Variants in SETX observed in about 807,000 individuals in gnomAD.
SETX encodes the protein senataxin.
Under a neutral mutation model 227.2 loss-of-function variants are expected in SETX, and 90 were observed. The ratio of observed to expected loss-of-function variants is 0.40; its 90% CI spans 0.33 to 0.47. The LOEUF is 0.47. Ranked by LOEUF, SETX falls within the 20% of genes least tolerant of loss-of-function variation. The probability of loss-of-function intolerance (pLI) is 0.91; values close to 1 mark genes in which losing one functional copy is unlikely to be tolerated. For synonymous variants in SETX, 1,210 were observed against 1,113.2 expected (o/e 1.09, Z -1.73); for missense variants, 3,052 against 3,181.5 (o/e 0.96, Z 0.98).
At chr9:132,347,029 C>T (rs1349275225) in intron 3 of SETX, among the ~76,000 whole-genome samples, 1 of 151,876 alleles carries the variant, frequency 6.6e-6, no homozygotes, top group Non-Finnish European at 1.5e-5. Flanking sequence ...CTGAGGTGGG[C>T]GGATCACCTG....
intron 15 of SETX, among the ~76,000 whole-genome samples, chr9:132,292,696 C>T (rs1278386839): frequency 1.4e-5 from 2 of 145,914 alleles, no homozygotes; most frequent in Admixed American, 7.0e-5. Flanking sequence ...GTGGCGCGAT[C>T]TCAGCTCACT....
intron 2 of SETX, among the ~76,000 whole-genome samples, chr9:132,351,950 G>C (rs1039798239): frequency 9.2e-5 from 14 of 152,130 alleles, no homozygotes; most frequent in Non-Finnish European, 1.6e-4. Flanking sequence ...CAAAAATATA[G>C]GATGCTTCAC....
At chr9:132,304,979 A>C (rs938181992) in intron 11 of SETX, among the ~76,000 whole-genome samples, 1 of 151,972 alleles carries the variant, frequency 6.6e-6, no homozygotes, top group Non-Finnish European at 1.5e-5. Flanking sequence ...TGGGTAACAG[A>C]GTGAGACTCC....
intron 11 of SETX, among the ~76,000 whole-genome samples, chr9:132,301,128 T>C (rs1406593020): frequency 1.3e-5 from 2 of 149,284 alleles, no homozygotes; most frequent in Non-Finnish European, 3.0e-5. Context: ...AGTCTCGCTG[T>C]GTTGCCCAGG....
At chr9:132,344,417 T>G (rs1173130607) in intron 4 of SETX, among the ~76,000 whole-genome samples, 2 of 152,122 alleles carry the variant, frequency 1.3e-5, no homozygotes, top group East Asian at 3.8e-4. Context: ...GGGAGGGTGT[T>G]GCTACACTGC....
intron 6 of SETX, among the ~76,000 whole-genome samples, chr9:132,335,140 C>T (rs952954839): frequency 2.0e-5 from 3 of 151,950 alleles, no homozygotes; most frequent in South Asian, 2.1e-4. Flanking sequence ...CCTGTAATCC[C>T]AGCACTTTGG....
At chr9:132,314,008 T>C (rs372610171) in intron 10 of SETX, among the ~76,000 whole-genome samples, 1 of 152,056 alleles carries the variant, frequency 6.6e-6, no homozygotes, top group East Asian at 1.9e-4. Context: ...TTCCGCTCAC[T>C]GCAACCTCCG....
At position 132,329,754 on chromosome 9, in the gene SETX, G is replaced by C; in HGVS notation, c.1844C>G (p.Ser615Cys). 6.2e-7 allele frequency: 1 copy of C among 1,614,074 alleles called. No homozygotes were observed. The highest frequency in any genetic ancestry group is 8.5e-7 in the Non-Finnish European group (1 of 1,180,000). ...TTCTTCTTTATTATAAGATGCAGGAGAGATTTTACATGCAGAAGTCAGATC... is the reference window on the plus strand; with the variant it reads ...TTCTTCTTTATTATAAGATGCAGGACAGATTTTACATGCAGAAGTCAGATC... ...FVDLTSACKI[S>C]PASYNKEESE... Residue 615 changes from serine to cysteine, a missense_variant, in exon 10 of 26, where the codon TCT (serine) becomes TGT (cysteine). This residue lies in a region of SETX where 1,483 missense variants were observed against 1,312.0 expected (regional missense o/e 1.13). Transcript: ENST00000224140.
At position 132,295,955 on chromosome 9, in the gene SETX, G is replaced by C; in HGVS notation, c.6023C>G (p.Pro2008Arg). 1 of 1,614,128 alleles carries C rather than the reference G, an allele frequency of 6.2e-7. No homozygotes were observed. Residue 2008 changes from proline to arginine, a missense_variant, in exon 15 of 26, where the codon CCT (proline) becomes CGT (arginine). This residue lies in a region of SETX where 412 missense variants were observed against 589.0 expected (regional missense o/e 0.70). Coordinates refer to ENST00000224140, the MANE Select transcript of SETX (RefSeq NM_015046.7). Reference sequence around the variant, plus strand: ...GAGTTCATCAACAGCTGCATTGGAAGGTGCACACACGAGGACACGGTTTTG... The same window carrying C: ...GAGTTCATCAACAGCTGCATTGGAACGTGCACACACGAGGACACGGTTTTG... The part of the protein sequence containing the change: ...IKQNRVLVCA[P>R]SNAAVDELMK...
rs1315385196 is a variant in SETX at position 132,264,378 on chromosome 9, C to A, written c.7895G>T (p.Arg2632Met). The A allele has an allele frequency of 4.3e-6, 7 of 1,614,220 alleles. No individual in the cohort carries two copies. Among genetic ancestry groups the A allele is most frequent in the Non-Finnish European group, 5.9e-6 (7 of 1,180,046 alleles). ...CDDPEEELCHRREARAFSEGE... is the reference protein window; with the variant it reads ...CDDPEEELCHMREARAFSEGE... ...TTCACTGAAAGCCCTGGCCTCTCTC[C>A]TGTGACAGAGCTCCTCTTCCGGGTC... Residue 2632 changes from arginine (R) to methionine (M), a missense_variant, in exon 26 of 26, where the codon AGG (arginine) becomes ATG (methionine). Arg to Met is a moderately conservative substitution (Grantham distance 91). This residue lies in a region of SETX where 294 missense variants were observed against 278.8 expected (regional missense o/e 1.05). Coordinates refer to ENST00000224140, the MANE Select transcript of SETX (RefSeq NM_015046.7).
chr9:132,334,069 T>C (rs1188235908), intron 7 of SETX, among the ~76,000 whole-genome samples: 1 of 152,176 alleles, frequency 6.6e-6, no homozygotes, highest in Non-Finnish European at 1.5e-5. Flanking sequence ...GAGGTTCTGA[T>C]GTTCATCCTA....
intron 19 of SETX, among the ~76,000 whole-genome samples, chr9:132,282,299 ATT>A (rs148335455): frequency 5.0e-5 from 7 of 139,552 alleles, no homozygotes; most frequent in African/African-American, 5.3e-5. Flanking sequence ...TTTTTAACTT[ATT>A]TTTTTTTTTT....
chr9:132,307,117 T>TG (rs1406291974), intron 11 of SETX, among the ~76,000 whole-genome samples: 6 of 152,254 alleles, frequency 3.9e-5, no homozygotes, highest in Admixed American at 2.6e-4. Context: ...TAGCTGGGTG[T>TG]GGTGGTGAGC....
chr9:132,271,657 A>G, intron 24 of SETX, 53 bp downstream of exon 24: 1 of 1,435,708 alleles, frequency 7.0e-7, no homozygotes, highest in Non-Finnish European at 9.8e-7. Context: ...CCTGAACTAT[A>G]AACAAGCAAC....
At chr9:132,323,964 G>A (rs1846539120) in intron 10 of SETX, among the ~76,000 whole-genome samples, 1 of 152,012 alleles carries the variant, frequency 6.6e-6, no homozygotes, top group Non-Finnish European at 1.5e-5. Context: ...ATTAAGAATA[G>A]AAAATAGTTA....
intron 2 of SETX, among the ~76,000 whole-genome samples, chr9:132,351,613 A>T (rs552223976): frequency 7.9e-5 from 12 of 152,208 alleles, no homozygotes; most frequent in Non-Finnish European, 1.3e-4. Context: ...ATGTGCTTCC[A>T]TGGTTCTTCT....
chr9:132,352,991 T>A (rs1409205852), intron 2 of SETX, among the ~76,000 whole-genome samples: 1 of 152,206 alleles, frequency 6.6e-6, no homozygotes, highest in Non-Finnish European at 1.5e-5. Context: ...ACTGCCTTAG[T>A]TCAGTACATT....
chr9:132,264,508 G>A lies in SETX; in HGVS notation c.7765C>T (p.Gln2589Ter), dbSNP rs763616131. Residue 2589 changes from glutamine (Q) to a stop codon, truncating the protein, a stop_gained, in exon 26 of 26, where the codon CAG becomes TAG. Coordinates refer to ENST00000224140, the MANE Select transcript of SETX (RefSeq NM_015046.7). LOFTEE classifies it low-confidence loss of function (END_TRUNC). ...VVHQDLSHIQ[Q>*]PAAVVAALSS... ...AGAGCAGCCACTACAGCAGCGGGCTGCTGTATATGGCTCAGGTCCTGGTGA... is the reference window on the plus strand; with the variant it reads ...AGAGCAGCCACTACAGCAGCGGGCTACTGTATATGGCTCAGGTCCTGGTGA... 16 of 1,613,814 alleles carry A rather than the reference G, an allele frequency of 9.9e-6. No homozygotes were observed. Among genetic ancestry groups the A allele is most frequent in the South Asian group, 9.9e-5 (9 of 91,088 alleles).
rs1208400238 is a variant in SETX at position 132,342,636 on chromosome 9, T to G, written c.498+54A>C. The G allele has an allele frequency of 3.3e-6, 4 of 1,195,856 alleles. No homozygotes were observed. In the East Asian group the frequency reaches 9.3e-5, roughly 28 times the overall value. 74.1% of individuals were successfully genotyped at this position (1,195,856 alleles called of 1,614,324 possible). The stretch of plus-strand genomic sequence containing the variant: ...ACACCAAAAACCGCTATTATAGCTA[T>G]CTATAGGTACAAAAGCACAATATAC... On this transcript the variant is annotated intron_variant, in intron 5 of 25. Transcript: ENST00000224140.
Sources: gnomAD v4.1 joint callset for allele counts (sites outside exome capture counted in the v4.1 genomes callset) on GRCh38, gnomAD v4.1.1 for gene constraint, gnomAD v4.1.1 regional missense constraint, MANE v1.5 for transcripts, NCBI Gene and HGNC (gene_info 2026-07-23, HGNC 2026-07-21) for gene names.